EYS: variants seen among roughly 807,000 people sequenced by gnomAD.
The protein encoded by EYS is protein eyes shut homolog.
Under a neutral mutation model 282.1 loss-of-function variants are expected in EYS, and 250 were observed. That is an observed-to-expected ratio of 0.89 (90% confidence interval 0.80 to 0.98). EYS has a LOEUF of 0.98. Among genes scored for constraint, EYS ranks in the 50% least tolerant of loss-of-function variants. EYS has a pLI of 0.00. For synonymous variants in EYS, 1,355 were observed against 1,282.9 expected, an observed-to-expected ratio of 1.06 and a Z score of -1.20; for missense variants, 4,016 against 3,709.0, an observed-to-expected ratio of 1.08 and a Z score of -2.15.
At chr6:65,596,749 T>A (rs1765422216) in intron 2 of EYS, among the ~76,000 whole-genome samples, 1 of 152,114 alleles carries the variant, frequency 6.6e-6, no homozygotes, top group East Asian at 1.9e-4. Context: ...TCTTACTTTT[T>A]ATTTATAAAA....
chr6:64,153,692 A>G (rs1774819120), intron 31 of EYS, among the ~76,000 whole-genome samples: 1 of 152,238 alleles, frequency 6.6e-6, no homozygotes, highest in African/African-American at 2.4e-5. Flanking sequence ...GAACTGTCAT[A>G]CTTTACAGGA....
At chr6:65,382,212 T>C (rs1292043638) in intron 8 of EYS, among the ~76,000 whole-genome samples, 1 of 113,366 alleles carries the variant, frequency 8.8e-6, no homozygotes, top group Non-Finnish European at 2.0e-5. Flanking sequence ...CATCCTTTGG[T>C]GTTTTTTTTT....
intron 11 of EYS, among the ~76,000 whole-genome samples, chr6:65,313,204 C>T (rs564264308): frequency 9.2e-5 from 14 of 152,136 alleles, no homozygotes; most frequent in Admixed American, 7.2e-4. Context: ...TATTCTTGTA[C>T]CTCTTCTGTC....
chr6:64,663,453 T>C (rs1436543980), intron 22 of EYS, among the ~76,000 whole-genome samples: 3 of 152,248 alleles, frequency 2.0e-5, no homozygotes, highest in Middle Eastern at 3.4e-3. Flanking sequence ...TCCCCAAATC[T>C]CAGAGGCTAA....
chr6:64,299,825 T>A (rs1347766386), intron 30 of EYS, among the ~76,000 whole-genome samples: 2 of 152,162 alleles, frequency 1.3e-5, no homozygotes, highest in African/African-American at 4.8e-5. Flanking sequence ...TCATCAGCAG[T>A]GGGTCCCAGT....
intron 30 of EYS, among the ~76,000 whole-genome samples, chr6:64,305,537 C>T (rs968032657): frequency 3.3e-5 from 5 of 152,104 alleles, no homozygotes; most frequent in Non-Finnish European, 7.4e-5. Flanking sequence ...TAAAGACCAA[C>T]ATATTGACTA....
intron 22 of EYS, among the ~76,000 whole-genome samples, chr6:64,672,662 G>A (rs1250392032): frequency 5.3e-5 from 8 of 151,868 alleles, no homozygotes; most frequent in African/African-American, 1.7e-4. Context: ...GAGACCTTAC[G>A]CAACTAAACT....
At chr6:65,493,202 G>T (rs916078466) in intron 4 of EYS, among the ~76,000 whole-genome samples, 2 of 152,004 alleles carry the variant, frequency 1.3e-5, no homozygotes, top group Non-Finnish European at 2.9e-5. Context: ...GGCATGAGCC[G>T]CCTCCAAGTC....
At chr6:64,389,992 G>A (rs602650) in intron 28 of EYS, among the ~76,000 whole-genome samples, 10 of 147,708 alleles carry the variant, frequency 6.8e-5, no homozygotes, top group African/African-American at 2.2e-4. Flanking sequence ...TTCCCTTTCC[G>A]AGTCAAAGAA....
At chr6:65,481,660 T>C (rs1483909352) in intron 5 of EYS, among the ~76,000 whole-genome samples, 1 of 152,210 alleles carries the variant, frequency 6.6e-6, no homozygotes, top group Non-Finnish European at 1.5e-5. Context: ...GCCATTCTCC[T>C]GCCTCAGCCT....
At chr6:65,527,305 T>G (rs1004802520) in intron 2 of EYS, among the ~76,000 whole-genome samples, 10 of 152,164 alleles carry the variant, frequency 6.6e-5, no homozygotes, top group Admixed American at 3.3e-4. Context: ...TATGACTAAT[T>G]AATGGTAGAG....
chr6:64,096,656 T>C (rs1000642793), intron 31 of EYS, among the ~76,000 whole-genome samples: 8 of 152,194 alleles, frequency 5.3e-5, no homozygotes, highest in Non-Finnish European at 4.4e-5. Context: ...ATTCGTCTAA[T>C]TTTTTTCCAA....
intron 29 of EYS, among the ~76,000 whole-genome samples, chr6:64,371,049 T>A (rs115686446): frequency 0.031 from 4,724 of 152,186 alleles, 231 homozygotes; most frequent in African/African-American, 0.11. Context: ...TTTCTTGTCT[T>A]CTGCTAGCCT....
chr6:63,943,875 C>G (rs1189003537), intron 35 of EYS, among the ~76,000 whole-genome samples: 1 of 152,130 alleles, frequency 6.6e-6, no homozygotes, highest in Non-Finnish European at 1.5e-5. Context: ...ACAGATATAC[C>G]TGTTAATAAT....
intron 12 of EYS, among the ~76,000 whole-genome samples, chr6:65,213,701 T>C (rs2150253828): frequency 6.6e-6 from 1 of 152,292 alleles, no homozygotes; most frequent in East Asian, 1.9e-4. Context: ...CACCCATTCA[T>C]CTGTTTCTCT....
intron 22 of EYS, among the ~76,000 whole-genome samples, chr6:64,673,766 C>A (rs968512560): frequency 2.6e-5 from 4 of 152,120 alleles, no homozygotes; most frequent in Admixed American, 6.5e-5. Context: ...TACCTACAGA[C>A]AACTAAACCA....
chr6:64,045,806 TG>T (rs1770594904), intron 33 of EYS, among the ~76,000 whole-genome samples: 1 of 150,404 alleles, frequency 6.6e-6, no homozygotes, highest in East Asian at 1.9e-4. Context: ...TATATATGTA[TG>T]TATGTGTACA....
intron 26 of EYS, among the ~76,000 whole-genome samples, chr6:64,509,941 C>A (rs760266030): frequency 6.6e-6 from 1 of 152,072 alleles, no homozygotes; most frequent in East Asian, 1.9e-4. Flanking sequence ...GGCATTATTT[C>A]TTACAATAAA....
chr6:64,001,256 A>G (rs891393909), intron 33 of EYS, among the ~76,000 whole-genome samples: 3 of 152,242 alleles, frequency 2.0e-5, no homozygotes, highest in African/African-American at 7.2e-5. Context: ...TAAATCATTC[A>G]GTGCTAATAT....
Sources: allele counts gnomAD v4.1 joint callset (sites outside exome capture counted in the v4.1 genomes callset), GRCh38; gene constraint gnomAD v4.1.1; transcripts MANE v1.5; gene names NCBI Gene and HGNC (gene_info 2026-07-23, HGNC 2026-07-21).